MYRIP: variants seen among roughly 807,000 people sequenced by gnomAD.
The protein encoded by MYRIP is rab effector MyRIP.
Under a neutral mutation model 98.0 loss-of-function variants are expected in MYRIP, and 49 were observed. That is an observed-to-expected ratio of 0.50 (90% CI 0.40 to 0.63). The LOEUF (loss-of-function observed/expected upper bound fraction) is 0.63, where lower values mean the gene tolerates loss of function less well. MYRIP is among the 30% of genes least tolerant of loss of function. MYRIP has a pLI of 0.00. For synonymous variants in MYRIP, 404 were observed against 409.5 expected, an observed-to-expected ratio of 0.99 and a Z score of 0.16; for missense variants, 1,004 against 1,058.2, an observed-to-expected ratio of 0.95 and a Z score of 0.71.
At chr3:40,118,311 CT>C (rs1248120368) in intron 3 of MYRIP, among the ~76,000 whole-genome samples, 6 of 152,332 alleles carry the variant, frequency 3.9e-5, no homozygotes, top group Admixed American at 2.6e-4. Context: ...GAAATTCCTG[CT>C]GCATGTATCT....
At chr3:40,151,288 A>C (rs1575578406) in intron 4 of MYRIP, 104 bp downstream of exon 4, 1 of 1,247,756 alleles carries the variant, frequency 8.0e-7, no homozygotes, top group Non-Finnish European at 1.1e-6. Flanking sequence ...GGGACAGATA[A>C]ATTTGCTTAA....
chr3:39,844,041 T>C (rs1941888343), intron 1 of MYRIP, among the ~76,000 whole-genome samples: 1 of 152,216 alleles, frequency 6.6e-6, no homozygotes, highest in Non-Finnish European at 1.5e-5. Flanking sequence ...TACTTGATTA[T>C]TGAGAGCTTC....
In MYRIP at chr3:39,938,979, G is replaced by C. The variant is rs1213399896; in HGVS notation, c.110+38053G>C. ...ACCTTGTTATCCTCCCTTCCTCATAGAAGATGCTTCATTTCCTGAGTGATG... is the reference window on the plus strand; with the variant it reads ...ACCTTGTTATCCTCCCTTCCTCATACAAGATGCTTCATTTCCTGAGTGATG... On this transcript the variant is annotated intron_variant, in intron 2 of 16. Coordinates refer to ENST00000302541, the MANE Select transcript of MYRIP (RefSeq NM_015460.4). 2.6e-5 allele frequency among the ~76,000 whole-genome samples: 4 copies of C among 152,100 alleles called. No individual in the cohort carries two copies. In the South Asian group the frequency reaches 8.3e-4, roughly 31 times the overall value.
chr3:40,053,978 T>C (rs571706907), intron 3 of MYRIP, among the ~76,000 whole-genome samples: 27 of 152,302 alleles, frequency 1.8e-4, no homozygotes, highest in African/African-American at 5.8e-4. Context: ...CATAGTGGCC[T>C]CACAGCCCAT....
intron 3 of MYRIP, among the ~76,000 whole-genome samples, chr3:40,145,900 G>C (rs762563511): frequency 2.6e-5 from 4 of 152,170 alleles, no homozygotes; most frequent in Non-Finnish European, 5.9e-5. Flanking sequence ...GGAATACTAA[G>C]TGGAAAAAAC....
At position 40,054,371 on chromosome 3, in the gene MYRIP, A is replaced by T. The variant is rs541283337; in HGVS notation, c.332+10100A>T. ...GATACATTTATAGCCTGATCACCAT[A>T]GGTTTTTATTAACATGAGTTTGTTT... On this transcript the variant is annotated intron_variant, in intron 3 of 16. Transcript: ENST00000302541. Among the ~76,000 whole-genome samples the T allele has an allele frequency of 1.1e-4, 16 of 152,238 alleles. No individual in the cohort carries two copies. The South Asian group carries it at 1.7e-3, about 16-fold the overall frequency.
chr3:40,046,880 T>A (rs958100889), intron 3 of MYRIP, among the ~76,000 whole-genome samples: 2 of 152,146 alleles, frequency 1.3e-5, no homozygotes, highest in Non-Finnish European at 2.9e-5. Flanking sequence ...ATTTACCTAG[T>A]CCTCTTCTCC....
intron 2 of MYRIP, among the ~76,000 whole-genome samples, chr3:40,015,347 A>C (rs1216617140): frequency 2.0e-5 from 3 of 152,194 alleles, no homozygotes; most frequent in Non-Finnish European, 4.4e-5. Context: ...CCAGGGAGCA[A>C]GGGCCAAGTG....
intron 2 of MYRIP, among the ~76,000 whole-genome samples, chr3:40,021,072 C>G (rs1946982182): frequency 6.6e-6 from 1 of 152,134 alleles, no homozygotes; most frequent in African/African-American, 2.4e-5. Context: ...AAAGATAATT[C>G]CCATTCCTTT....
At chr3:40,175,332 T>C (rs969982655) in intron 8 of MYRIP, among the ~76,000 whole-genome samples, 16 of 152,138 alleles carry the variant, frequency 1.1e-4, no homozygotes, top group Non-Finnish European at 2.1e-4. Context: ...TTCAGCCATC[T>C]ACATGTAACA....
intron 1 of MYRIP, among the ~76,000 whole-genome samples, chr3:39,834,798 A>G (rs1048900474): frequency 6.6e-6 from 1 of 152,150 alleles, no homozygotes; most frequent in Non-Finnish European, 1.5e-5. Flanking sequence ...TTTATATTAT[A>G]CATTCCAAGA....
chr3:40,225,619 CCA>C (rs1217397361), intron 11 of MYRIP, among the ~76,000 whole-genome samples: 1 of 152,182 alleles, frequency 6.6e-6, no homozygotes, highest in African/African-American at 2.4e-5. Context: ...CTTCACTGAG[CCA>C]CAGTTTTCTT....
At chr3:40,128,088 C>T (rs766908979) in intron 3 of MYRIP, among the ~76,000 whole-genome samples, 22 of 152,120 alleles carry the variant, frequency 1.4e-4, no homozygotes, top group Non-Finnish European at 2.4e-4. Flanking sequence ...ATTCTGTATT[C>T]TATACTGTTG....
At chr3:39,810,155 C>CT (rs1410605838) in intron 1 of MYRIP, among the ~76,000 whole-genome samples, 1 of 152,218 alleles carries the variant, frequency 6.6e-6, no homozygotes, top group African/African-American at 2.4e-5. Flanking sequence ...AGAATCGCCT[C>CT]TTTCTCTCGC....
At chr3:40,213,801 TG>T (rs1952034633) in intron 11 of MYRIP, among the ~76,000 whole-genome samples, 1 of 152,114 alleles carries the variant, frequency 6.6e-6, no homozygotes, top group Admixed American at 6.6e-5. Flanking sequence ...GAAGACTAGC[TG>T]GAAGTGCCAG....
chr3:39,896,898 C>T, intron 1 of MYRIP, among the ~76,000 whole-genome samples: 1 of 151,742 alleles, frequency 6.6e-6, no homozygotes, highest in Non-Finnish European at 1.5e-5. Flanking sequence ...TTAACCAGTA[C>T]CTGTAGACAC....
At chr3:40,086,967 G>A (rs17075542) in intron 3 of MYRIP, among the ~76,000 whole-genome samples, 36,049 of 151,918 alleles carry the variant, frequency 0.24, 4,608 homozygotes, top group East Asian at 0.36. Flanking sequence ...CATGCCCTAT[G>A]ACCAGGACAA....
chr3:40,237,778 G>A (rs1344275485), intron 12 of MYRIP, among the ~76,000 whole-genome samples: 6 of 152,232 alleles, frequency 3.9e-5, no homozygotes, highest in Non-Finnish European at 5.9e-5. Context: ...TGGTTCACTA[G>A]CAAACAAATG....
chr3:40,137,356 G>A (rs941673464), intron 3 of MYRIP, among the ~76,000 whole-genome samples: 23 of 152,146 alleles, frequency 1.5e-4, no homozygotes, highest in Non-Finnish European at 2.9e-4. Context: ...TCTCTGAATA[G>A]ACCAATAACA....
Sources: allele counts gnomAD v4.1 joint callset (sites outside exome capture counted in the v4.1 genomes callset), GRCh38; gene constraint gnomAD v4.1.1; transcripts MANE v1.5; gene names NCBI Gene and HGNC (gene_info 2026-07-23, HGNC 2026-07-21).